FREM3: variants seen among roughly 807,000 people sequenced by gnomAD.
FREM3 encodes the protein FRAS1-related extracellular matrix protein 3.
FREM3 carries 105 observed loss-of-function variants against 129.1 expected under a neutral mutation model. The observed-to-expected ratio is 0.81, with a 90% CI of 0.69 to 0.96. The LOEUF is 0.96. FREM3 is among the 40% of genes least tolerant of loss of function. The pLI is 0.00. For missense variants in FREM3, 2,593 were observed against 2,666.3 expected, an observed-to-expected ratio of 0.97 and a Z score of 0.61; for synonymous variants, 1,014 against 1,044.9, an observed-to-expected ratio of 0.97 and a Z score of 0.57.
At chr4:143,621,006 C>T in intron 5 of FREM3, 31 bp downstream of exon 5, 1 of 1,534,304 alleles carries the variant, frequency 6.5e-7, no homozygotes, top group Non-Finnish European at 8.7e-7. Flanking sequence ...TCATCTTATT[C>T]CTATGAACAG....
At chr4:143,581,401 C>T (rs1738140075) in intron 7 of FREM3, among the ~76,000 whole-genome samples, 1 of 151,018 alleles carries the variant, frequency 6.6e-6, no homozygotes, top group African/African-American at 2.4e-5. Context: ...ATGGCACAAA[C>T]ACCATACGAA....
intron 4 of FREM3, among the ~76,000 whole-genome samples, chr4:143,622,729 G>T (rs1166437076): frequency 6.6e-6 from 1 of 152,130 alleles, no homozygotes; most frequent in African/African-American, 2.4e-5. Flanking sequence ...TGATACAATA[G>T]GACTAAGTTA....
chr4:143,587,508 A>G (rs1738263754), intron 6 of FREM3, among the ~76,000 whole-genome samples: 1 of 152,178 alleles, frequency 6.6e-6, no homozygotes, highest in Non-Finnish European at 1.5e-5. Flanking sequence ...GTGTTTTGAT[A>G]TATTTATGGC....
chr4:143,589,409 A>AT (rs1217005077), intron 6 of FREM3, among the ~76,000 whole-genome samples: 1 of 152,044 alleles, frequency 6.6e-6, no homozygotes, highest in African/African-American at 2.4e-5. Flanking sequence ...TCTTGAATTA[A>AT]TTTTTGTATA....
In FREM3 at chr4:143,597,578, A is replaced by G. The variant is rs564859916; in HGVS notation, c.6029-11585T>C. ...TAAATACATTCAGTACAGTTGCAAA[A>G]TACAAATCAACATACAAAAATCACT... On this transcript the variant is annotated intron_variant, in intron 6 of 7. Transcript: ENST00000329798. Among the ~76,000 whole-genome samples, 4 of 152,334 alleles carry G rather than the reference A, an allele frequency of 2.6e-5. No individual in the cohort carries two copies. The South Asian group carries it at 8.3e-4, about 32-fold the overall frequency.
chr4:143,659,096 T>TTA (rs1030350858), intron 2 of FREM3, among the ~76,000 whole-genome samples: 3 of 142,914 alleles, frequency 2.1e-5, no homozygotes, highest in African/African-American at 8.4e-5. Flanking sequence ...TTATTTATTA[T>TTA]TATTATTATT....
chr4:143,674,521 G>A (rs1740069052), intron 2 of FREM3, among the ~76,000 whole-genome samples: 1 of 152,120 alleles, frequency 6.6e-6, no homozygotes, highest in Admixed American at 6.5e-5. Context: ...GTAATGATAG[G>A]ATCAAATTCA....
intron 2 of FREM3, among the ~76,000 whole-genome samples, chr4:143,689,891 GGA>G (rs1226058396): frequency 3.0e-5 from 4 of 134,250 alleles, no homozygotes; most frequent in African/African-American, 1.1e-4. Context: ...GGGAAGAGTG[GGA>G]GGGGGGCAAA....
chr4:143,637,484 TG>T (rs1739252544), intron 2 of FREM3, among the ~76,000 whole-genome samples: 3 of 152,100 alleles, frequency 2.0e-5, no homozygotes, highest in African/African-American at 4.8e-5. Flanking sequence ...TTATTCCACT[TG>T]ATTGTCCAGT....
chr4:143,695,546 A>G lies in FREM3; in HGVS notation c.5130T>C (p.His1710=). ...LKYKVTRGPE[H]GFIIKTGLGN... ...CAAGGCCAGTTTTGATAATGAAGCC[A>G]TGCTCTGGTCCTCTGGTCACTTTAT... Residue 1710 remains histidine, a synonymous_variant, in exon 1 of 8, where the codon CAT becomes CAC. Transcript: ENST00000329798. 6.5e-7 allele frequency: 1 copy of G among 1,537,504 alleles called. No homozygotes were observed. The highest frequency in any genetic ancestry group is 8.7e-7 in the Non-Finnish European group (1 of 1,146,962).
In FREM3 at chr4:143,699,784, C is replaced by A; in HGVS notation, c.892G>T (p.Gly298Cys). ...EHFQLLVRIR[G>C]GAENTPPRPS... ...CTGGGCGGTGTGTTCTCGGCTCCGC[C>A]GCGGATCCTCACGAGCAGCTGGAAG... is the stretch of plus-strand genomic sequence containing the variant. Residue 298 changes from glycine to cysteine, a missense_variant, in exon 1 of 8, where the codon GGC becomes TGC. Gly to Cys is a radical substitution (Grantham distance 159, BLOSUM62 -3). Coordinates refer to ENST00000329798, the MANE Select transcript of FREM3 (RefSeq NM_001168235.2). This position sits in a 1 kb window ranked among gnomAD's most constrained non-coding sequence, Gnocchi z 4.2. 1 of 1,535,186 alleles carries A rather than the reference C, an allele frequency of 6.5e-7. No homozygotes were observed. Among genetic ancestry groups the A allele is most frequent in the South Asian group, 1.2e-5 (1 of 83,836 alleles).
rs558418357 is a variant in FREM3 at position 143,698,977 on chromosome 4, G to A, written c.1699C>T (p.Leu567=). The stretch of plus-strand genomic sequence containing the variant: ...TCAGAGTCAATATCAGTAGCACTCA[G>A]TACAAAGGGAGAGATCTGGACCACC... ...GQVVQISPFV[L]SATDIDSEDS... is the part of the protein sequence containing the mutation. Residue 567 remains leucine (L), a synonymous_variant, in exon 1 of 8, where the codon CTG becomes TTG. Transcript: ENST00000329798. 34 of 1,537,282 alleles carry A rather than the reference G, an allele frequency of 2.2e-5. No individual in the cohort carries two copies. The highest frequency in any genetic ancestry group is 2.8e-5 in the Non-Finnish European group (32 of 1,146,910).
chr4:143,611,852 TGTA>T (rs1417595822), intron 5 of FREM3, among the ~76,000 whole-genome samples: 1 of 152,010 alleles, frequency 6.6e-6, no homozygotes, highest in Non-Finnish European at 1.5e-5. Flanking sequence ...AAAACTGAGG[TGTA>T]GTAAAATTAG....
chr4:143,631,250 A>C (rs1036498385), intron 2 of FREM3, among the ~76,000 whole-genome samples: 9 of 152,186 alleles, frequency 5.9e-5, no homozygotes, highest in Non-Finnish European at 7.4e-5. Flanking sequence ...CTAATGCTTA[A>C]ATCTTGAAGG....
At chr4:143,584,255 A>G (rs1286572589) in intron 7 of FREM3, among the ~76,000 whole-genome samples, 2 of 151,618 alleles carry the variant, frequency 1.3e-5, no homozygotes, top group Non-Finnish European at 2.9e-5. Flanking sequence ...TAAAAATACA[A>G]AAAATTAGCC....
intron 5 of FREM3, among the ~76,000 whole-genome samples, chr4:143,614,324 A>G (rs907859390): frequency 6.6e-6 from 1 of 152,246 alleles, no homozygotes; most frequent in African/African-American, 2.4e-5. Context: ...CATTTAAGTA[A>G]AAAACAAACA....
intron 7 of FREM3, among the ~76,000 whole-genome samples, chr4:143,583,695 T>C (rs1738187525): frequency 6.6e-6 from 1 of 152,010 alleles, no homozygotes; most frequent in Non-Finnish European, 1.5e-5. Context: ...AAGAATTTTA[T>C]ATCCAGCCAA....
At chr4:143,620,310 C>T (rs1322539152) in intron 5 of FREM3, among the ~76,000 whole-genome samples, 1 of 152,192 alleles carries the variant, frequency 6.6e-6, no homozygotes, top group African/African-American at 2.4e-5. Flanking sequence ...CATGCTTCTG[C>T]CTGTTGGGGC....
At position 143,697,077 on chromosome 4, in the gene FREM3, T is replaced by C; in HGVS notation, c.3599A>G (p.Glu1200Gly). 3 of 1,537,636 alleles carry C rather than the reference T, an allele frequency of 2.0e-6. No individual in the cohort carries two copies. The highest frequency in any genetic ancestry group is 2.6e-6 in the Non-Finnish European group (3 of 1,146,990). ...NDEQPKLFAH[E>G]FKVLEGMSLV... ...GCTCATCCCCTCTAGTACCTTAAAC[T>C]CATGGGCAAAAAGTTTAGGCTGCTC... The change falls in exon 1 of 8, where the codon GAG becomes GGG. Residue 1200 changes from glutamate (E) to glycine (G), a missense_variant. By Grantham distance (98) the Glu-to-Gly change is moderately conservative. Coordinates refer to ENST00000329798, the MANE Select transcript of FREM3 (RefSeq NM_001168235.2).
Sources: allele counts gnomAD v4.1 joint callset (sites outside exome capture counted in the v4.1 genomes callset), GRCh38; gene constraint gnomAD v4.1.1; non-coding constraint Gnocchi (gnomAD v3.1); transcripts MANE v1.5; gene names NCBI Gene and HGNC (gene_info 2026-07-23, HGNC 2026-07-21).